Variants in PDGFRL observed in about 807,000 individuals in gnomAD.
The protein encoded by PDGFRL is platelet-derived growth factor receptor-like protein.
A neutral mutation model predicts 37.2 loss-of-function variants in PDGFRL; 46 were observed. That is an observed-to-expected ratio of 1.24 (90% CI 0.98 to 1.58). The LOEUF (loss-of-function observed/expected upper bound fraction) is 1.58. PDGFRL is among the 40% of genes most tolerant of loss of function. The probability of loss-of-function intolerance (pLI) is 0.00; values close to 1 mark genes in which losing one functional copy is unlikely to be tolerated. For missense variants in PDGFRL, 692 were observed against 467.6 expected (o/e 1.48, Z -4.43); for synonymous variants, 251 against 184.3 (o/e 1.36, Z -2.93).
chr8:17,639,893 C>T (rs4921795), intron 5 of PDGFRL, among the ~76,000 whole-genome samples: 128,455 of 152,194 alleles, frequency 0.84, 54,693 homozygotes, highest in Non-Finnish European at 0.91. Flanking sequence ...TAGATTTCTC[C>T]TCTTCCTCAG....
intron 2 of PDGFRL, among the ~76,000 whole-genome samples, chr8:17,606,314 A>G (rs943254611): frequency 3.3e-5 from 5 of 152,152 alleles, no homozygotes; most frequent in Admixed American, 2.0e-4. Flanking sequence ...TTGTATGCGA[A>G]CTCACTTTCC....
chr8:17,629,724 C>T (rs1804823043), intron 4 of PDGFRL, among the ~76,000 whole-genome samples: 1 of 152,170 alleles, frequency 6.6e-6, no homozygotes, highest in Non-Finnish European at 1.5e-5. Context: ...TCCGTTCCAC[C>T]TCAGATATTC....
chr8:17,620,216 CCT>C (rs547830864), intron 2 of PDGFRL, among the ~76,000 whole-genome samples: 67 of 152,296 alleles, frequency 4.4e-4, no homozygotes, highest in African/African-American at 1.6e-3. Context: ...CCCATCTTGG[CCT>C]CTCAAAACAC....
chr8:17,622,832 C>T (rs1400561786), intron 3 of PDGFRL, among the ~76,000 whole-genome samples: 1 of 152,144 alleles, frequency 6.6e-6, no homozygotes, highest in African/African-American at 2.4e-5. Context: ...GGCGTGAATT[C>T]CTGGCGGCTC....
At chr8:17,589,790 G>T (rs1349712623) in intron 2 of PDGFRL, 25 bp downstream of exon 2, 2 of 1,430,294 alleles carry the variant, frequency 1.4e-6, no homozygotes, top group Non-Finnish European at 1.9e-6. Flanking sequence ...TTAAAACTGT[G>T]TAGGGTTGAG....
chr8:17,613,745 A>G (rs559630096), intron 2 of PDGFRL, among the ~76,000 whole-genome samples: 5 of 152,264 alleles, frequency 3.3e-5, no homozygotes, highest in Admixed American at 2.6e-4. Context: ...CAGGCATGGT[A>G]GTGTGCACTT....
chr8:17,600,963 C>G (rs1437751064), intron 2 of PDGFRL, among the ~76,000 whole-genome samples: 1 of 152,074 alleles, frequency 6.6e-6, no homozygotes. Context: ...GCCTGGGAGA[C>G]AGAGCAAGGC....
intron 3 of PDGFRL, among the ~76,000 whole-genome samples, chr8:17,625,935 C>T (rs776846805): frequency 5.9e-5 from 9 of 152,064 alleles, no homozygotes; most frequent in Admixed American, 5.2e-4. Flanking sequence ...GTTGAAACTG[C>T]AGTAAGTCAT....
intron 2 of PDGFRL, among the ~76,000 whole-genome samples, chr8:17,594,981 C>A (rs1430947020): frequency 6.9e-6 from 1 of 144,788 alleles, no homozygotes; most frequent in African/African-American, 2.5e-5. Context: ...GGATGTATAC[C>A]CGCAAGTGGG....
chr8:17,597,695 T>G (rs1018733791), intron 2 of PDGFRL, among the ~76,000 whole-genome samples: 1 of 152,216 alleles, frequency 6.6e-6, no homozygotes, highest in African/African-American at 2.4e-5. Context: ...CAAATATAAT[T>G]TGGCATCTCT....
chr8:17,597,223 G>A (rs1285032784), intron 2 of PDGFRL, among the ~76,000 whole-genome samples: 4 of 152,170 alleles, frequency 2.6e-5, no homozygotes, highest in Non-Finnish European at 5.9e-5. Flanking sequence ...CTTTCGGTAA[G>A]TTGGCCAGGC....
chr8:17,591,363 C>T (rs1279848513), intron 2 of PDGFRL, among the ~76,000 whole-genome samples: 2 of 152,142 alleles, frequency 1.3e-5, no homozygotes, highest in Non-Finnish European at 2.9e-5. Flanking sequence ...GAAACACGTG[C>T]TTCCTGGGGT....
At chr8:17,589,874 AATAG>A in intron 2 of PDGFRL, 109 bp downstream of exon 2, 2 of 670,858 alleles carry the variant, frequency 3.0e-6, no homozygotes, top group Non-Finnish European at 5.0e-6. Context: ...ATTTTACCCT[AATAG>A]ATCATAAAAA....
At chr8:17,580,765 C>T (rs1165559771) in intron 1 of PDGFRL, among the ~76,000 whole-genome samples, 1 of 152,116 alleles carries the variant, frequency 6.6e-6, no homozygotes, top group African/African-American at 2.4e-5. Context: ...GCTTGTAGTC[C>T]AAAGTCAGTG....
chr8:17,582,426 C>T (rs1803726871), intron 1 of PDGFRL, among the ~76,000 whole-genome samples: 2 of 151,866 alleles, frequency 1.3e-5, no homozygotes. Flanking sequence ...TATTACAATA[C>T]AAGAAGTTAG....
At chr8:17,640,826 C>T (rs1805076152) in intron 5 of PDGFRL, among the ~76,000 whole-genome samples, 1 of 152,010 alleles carries the variant, frequency 6.6e-6, no homozygotes, top group Non-Finnish European at 1.5e-5. Flanking sequence ...GGGCAGGACC[C>T]TAGAGCTCCC....
chr8:17,592,009 G>A (rs1803951032), intron 2 of PDGFRL, among the ~76,000 whole-genome samples: 1 of 152,158 alleles, frequency 6.6e-6, no homozygotes, highest in African/African-American at 2.4e-5. Flanking sequence ...CTGTGTTTTT[G>A]CAGAAATTCA....
At chr8:17,641,895 G>GGCCCCCCCCCCCCCCCCCCCCCC (rs1563534458) in intron 5 of PDGFRL, among the ~76,000 whole-genome samples, 1 of 2,590 alleles carries the variant, frequency 3.9e-4, no homozygotes, top group Non-Finnish European at 7.4e-4. Context: ...TTCAATAGAG[G>GGCCCCCCCCCCCCCCCCCCCCCC]TCCCCGCCAC....
intron 2 of PDGFRL, among the ~76,000 whole-genome samples, chr8:17,610,986 A>G (rs886593334): frequency 2.0e-5 from 3 of 152,268 alleles, no homozygotes; most frequent in South Asian, 2.1e-4. Context: ...CTATCTGGAA[A>G]GTAATCATCT....
Sources: gnomAD v4.1 joint callset for allele counts (sites outside exome capture counted in the v4.1 genomes callset) on GRCh38, gnomAD v4.1.1 for gene constraint, MANE v1.5 for transcripts, NCBI Gene and HGNC (gene_info 2026-07-23, HGNC 2026-07-21) for gene names.